Variants in ATP9A observed in about 807,000 individuals in gnomAD.
ATP9A encodes probable phospholipid-transporting ATPase IIA.
ATP9A carries 52 observed loss-of-function variants against 144.1 expected under a neutral mutation model. That is an observed-to-expected ratio of 0.36 (90% CI 0.29 to 0.45). The LOEUF (loss-of-function observed/expected upper bound fraction) is 0.45. Among genes scored for constraint, ATP9A ranks in the 20% least tolerant of loss-of-function variants. The probability of loss-of-function intolerance (pLI) is 1.00; values close to 1 mark genes in which losing one functional copy is unlikely to be tolerated. For missense variants in ATP9A, 947 were observed against 1,392.7 expected, an observed-to-expected ratio of 0.68 and a Z score of 5.09; for synonymous variants, 582 against 557.4, an observed-to-expected ratio of 1.04 and a Z score of -0.62.
At chr20:51,674,610 A>G (rs2077469604) in intron 10 of ATP9A, among the ~76,000 whole-genome samples, 2 of 152,170 alleles carry the variant, frequency 1.3e-5, no homozygotes, top group Non-Finnish European at 2.9e-5. Context: ...GAAGATTTAC[A>G]CTTGGAAATG....
chr20:51,766,812 C>G (rs1232565576), intron 1 of ATP9A, among the ~76,000 whole-genome samples: 2 of 152,010 alleles, frequency 1.3e-5, no homozygotes, highest in East Asian at 3.9e-4. Context: ...AGCACTCCAG[C>G]GTGGGCAACA....
intron 1 of ATP9A, among the ~76,000 whole-genome samples, chr20:51,753,290 C>A (rs1391771894): frequency 6.6e-6 from 1 of 151,916 alleles, no homozygotes; most frequent in Non-Finnish European, 1.5e-5. Context: ...ATTAAAAACA[C>A]AAAAATTAGC....
chr20:51,763,719 T>G (rs2077892379), intron 1 of ATP9A, among the ~76,000 whole-genome samples: 1 of 152,204 alleles, frequency 6.6e-6, no homozygotes. Flanking sequence ...TTTCTCAATC[T>G]GATTCATATT....
At position 51,626,002 on chromosome 20, in the gene ATP9A, G is replaced by T. The variant is rs2077246935; in HGVS notation, c.1846-640C>A. Among the ~76,000 whole-genome samples the T allele has an allele frequency of 2.6e-5, 4 of 152,226 alleles. No individual in the cohort carries two copies. The South Asian group carries it at 8.3e-4, about 32-fold the overall frequency. Reference sequence around the variant, plus strand: ...GATCCAGGCAGTTTCCCCGCATGGAGCAGGGCAGGGCCCCACGAAGCGTGT... The same window carrying T: ...GATCCAGGCAGTTTCCCCGCATGGATCAGGGCAGGGCCCCACGAAGCGTGT... On this transcript the variant is annotated intron_variant, in intron 17 of 27. Transcript: ENST00000338821.
chr20:51,673,560 C>T (rs1480572774), intron 11 of ATP9A, among the ~76,000 whole-genome samples: 12 of 152,114 alleles, frequency 7.9e-5, no homozygotes, highest in African/African-American at 2.4e-4. Flanking sequence ...CCAACAGCCA[C>T]TATCAACCTT....
At chr20:51,721,049 T>C (rs998462876) in intron 3 of ATP9A, among the ~76,000 whole-genome samples, 9 of 152,234 alleles carry the variant, frequency 5.9e-5, no homozygotes, top group Non-Finnish European at 1.2e-4. Context: ...ATTCTCGTCA[T>C]TTCAGAAGCA....
chr20:51,742,361 A>G (rs1314221245), intron 1 of ATP9A, among the ~76,000 whole-genome samples: 2 of 151,240 alleles, frequency 1.3e-5, no homozygotes, highest in African/African-American at 2.4e-5. Context: ...TGCCATTACC[A>G]TAACTAGAAA....
At chr20:51,708,767 C>A (rs1245115212) in intron 4 of ATP9A, among the ~76,000 whole-genome samples, 4 of 152,068 alleles carry the variant, frequency 2.6e-5, no homozygotes, top group Non-Finnish European at 5.9e-5. Flanking sequence ...ATAAATAAAT[C>A]TAGTTTTGAG....
chr20:51,663,425 C>G (rs2122777578), intron 13 of ATP9A, among the ~76,000 whole-genome samples: 1 of 138,500 alleles, frequency 7.2e-6, no homozygotes, highest in East Asian at 2.5e-4. Context: ...TCATAAATAC[C>G]AGAAAGTTTT....
chr20:51,618,850 T>G (rs1601060017), intron 20 of ATP9A, 44 bp from the exon 21 acceptor site: 1 of 1,577,692 alleles, frequency 6.3e-7, no homozygotes, highest in Non-Finnish European at 8.6e-7. Flanking sequence ...GAGGGAGAGG[T>G]GGTGCGTTGG....
At chr20:51,603,026 T>C (rs1371992678) in intron 27 of ATP9A, among the ~76,000 whole-genome samples, 3 of 151,884 alleles carry the variant, frequency 2.0e-5, no homozygotes, top group East Asian at 3.9e-4. Flanking sequence ...CTAGAGAGCC[T>C]GGGCCCTGCA....
intron 9 of ATP9A, 55 bp downstream of exon 9, chr20:51,689,009 A>G: frequency 6.4e-7 from 1 of 1,567,394 alleles, no homozygotes. Flanking sequence ...CTAATTACAA[A>G]AGGATTTTCT....
At chr20:51,739,347 C>G (rs2077775330) in intron 1 of ATP9A, among the ~76,000 whole-genome samples, 1 of 149,818 alleles carries the variant, frequency 6.7e-6, no homozygotes, top group East Asian at 2.0e-4. Flanking sequence ...CCTACACTCA[C>G]TCTTTTTTTT....
intron 1 of ATP9A, among the ~76,000 whole-genome samples, chr20:51,764,207 C>CA (rs1568852181): frequency 6.6e-6 from 1 of 152,206 alleles, no homozygotes; most frequent in Admixed American, 6.5e-5. Context: ...CCCAAGATCA[C>CA]ACAGCTAGTA....
Position 51,622,156 on chromosome 20 carries a change from CCT to C in ATP9A, c.2031_2032del (p.Asp679GlnfsTer45), listed in dbSNP as rs750014748. 4 of 1,614,050 alleles carry C rather than the reference CCT, an allele frequency of 2.5e-6. No homozygotes were observed. The highest frequency in any genetic ancestry group is 2.2e-5 in the East Asian group (1 of 44,874). On this transcript the variant is annotated frameshift_variant, in exon 19 of 28. Transcript: ENST00000338821. LOFTEE classifies it high-confidence loss of function. ...GCACGTAGCTGTCTCCAGCTTGTCC[CCT>C]GTCAGCATCCAAACCTGAAATCATG... is the stretch of plus-strand genomic sequence containing the variant.
At chr20:51,750,749 C>G (rs2077827844) in intron 1 of ATP9A, among the ~76,000 whole-genome samples, 1 of 152,172 alleles carries the variant, frequency 6.6e-6, no homozygotes, top group Admixed American at 6.6e-5. Context: ...GACCCCGGAG[C>G]CAGCCCTCTT....
chr20:51,656,856 G>T (rs2077388753), intron 14 of ATP9A, 82 bp downstream of exon 14: 3 of 1,324,144 alleles, frequency 2.3e-6, no homozygotes, highest in Admixed American at 2.0e-5. Context: ...CTGACACATT[G>T]CTTCCTTAGA....
chr20:51,618,731 C>T lies in ATP9A; in HGVS notation c.2281G>A (p.Ala761Thr). 6.2e-7 allele frequency: 1 copy of T among 1,612,584 alleles called. No individual in the cohort carries two copies. The highest frequency in any genetic ancestry group is 8.5e-7 in the Non-Finnish European group (1 of 1,179,402). ...QCPAVVCCRC[A>T]PTQKAQIVRL... is the part of the protein sequence containing the mutation. ...ACGATCTGGGCCTTCTGGGTGGGGGCACATCGGCAGCAGACTACGGCCGGG... is the reference window on the plus strand; with the variant it reads ...ACGATCTGGGCCTTCTGGGTGGGGGTACATCGGCAGCAGACTACGGCCGGG... Residue 761 changes from alanine (A) to threonine (T), a missense_variant, in exon 21 of 28, where the codon GCC becomes ACC. Physicochemically the swap from Ala to Thr is moderately conservative, Grantham distance 58. Transcript: ENST00000338821.
chr20:51,706,061 G>C (rs1381721372), intron 4 of ATP9A, among the ~76,000 whole-genome samples: 1 of 152,162 alleles, frequency 6.6e-6, no homozygotes, highest in East Asian at 1.9e-4. Flanking sequence ...TACCCCATGT[G>C]GTTTTCAACA....
Sources: allele counts gnomAD v4.1 joint callset (sites outside exome capture counted in the v4.1 genomes callset), GRCh38; gene constraint gnomAD v4.1.1; transcripts MANE v1.5; gene names NCBI Gene and HGNC (gene_info 2026-07-23, HGNC 2026-07-21).